The following FEZ1 variants were observed in gnomAD, a reference collection of about 807,000 sequenced individuals.
The protein encoded by FEZ1 is fasciculation and elongation protein zeta-1.
FEZ1 carries 20 observed loss-of-function variants against 49.3 expected under a neutral mutation model. That is an observed-to-expected ratio of 0.41 (90% confidence interval 0.29 to 0.59). FEZ1 has a LOEUF of 0.59. FEZ1 is among the 20% of genes least tolerant of loss of function. FEZ1 has a pLI of 0.36. For missense variants in FEZ1, 413 were observed against 476.0 expected (o/e 0.87, Z 1.23); for synonymous variants, 170 against 180.9 (o/e 0.94, Z 0.48).
rs560908479 is a variant in FEZ1 at position 125,483,387 on chromosome 11, A to G, written c.312-1754T>C. 1.8e-4 allele frequency among the ~76,000 whole-genome samples: 27 copies of G among 152,336 alleles called. No individual in the cohort carries two copies. In the South Asian group the frequency reaches 5.6e-3, roughly 32 times the overall value. The stretch of plus-strand genomic sequence containing the variant: ...TATTCATTATTTTCCTACCATTACA[A>G]GAAAACACTTTGAAGAGAACTCATC... On this transcript the variant is annotated intron_variant, in intron 2 of 9. Coordinates refer to ENST00000278919, the MANE Select transcript of FEZ1 (RefSeq NM_005103.5).
In FEZ1 at chr11:125,481,521, C is replaced by T. The variant is rs1380511492; in HGVS notation, c.411+13G>A. The T allele has an allele frequency of 1.9e-6, 3 of 1,546,468 alleles. No homozygotes were observed. Among genetic ancestry groups the T allele is most frequent in the East Asian group, 4.5e-5 (2 of 44,592 alleles). ...TCTCAAGCCCTGCTAAACCAGGGGC[C>T]CCGGAGAGGTACCTCAGTGTCAGAG... On this transcript the variant is annotated intron_variant, in intron 3 of 9. Transcript: ENST00000278919.
At chr11:125,478,350 G>C (rs751001125) in intron 3 of FEZ1, among the ~76,000 whole-genome samples, 34 of 152,160 alleles carry the variant, frequency 2.2e-4, no homozygotes, top group Non-Finnish European at 4.4e-4. Context: ...ACTGAGGCAG[G>C]AGAATTGCTT....
At position 125,463,523 on chromosome 11, in the gene FEZ1, A is replaced by G; in HGVS notation, c.459T>C (p.Asp153=). Residue 153 remains aspartate, a synonymous_variant, in exon 4 of 10, where the codon GAT becomes GAC. Transcript: ENST00000278919. ...GCAGAGGCTCCTCGTTGATACCGGAATCATTTTCACTCTTCTCATTGAACT... is the reference window on the plus strand; with the variant it reads ...GCAGAGGCTCCTCGTTGATACCGGAGTCATTTTCACTCTTCTCATTGAACT... ...EEEFNEKSEN[D]SGINEEPLLT... The G allele has an allele frequency of 3.1e-6, 5 of 1,611,554 alleles. No individual in the cohort carries two copies. Among genetic ancestry groups the G allele is most frequent in the Non-Finnish European group, 4.2e-6 (5 of 1,177,724 alleles).
intron 9 of FEZ1, 62 bp from the exon 10 acceptor site, chr11:125,446,173 G>A: frequency 1.3e-6 from 2 of 1,511,022 alleles, no homozygotes; most frequent in Non-Finnish European, 1.8e-6. Context: ...GGACCTCCGA[G>A]CCCTGGATAG....
rs150934370 is a variant in FEZ1, at chr11:125,463,535, C to A, written c.447G>T (p.Lys149Asn). 1 of 1,611,504 alleles carries A rather than the reference C, an allele frequency of 6.2e-7. No individual in the cohort carries two copies. The highest frequency in any genetic ancestry group is 1.3e-5 in the African/African-American group (1 of 74,872). ...CGTTGATACCGGAATCATTTTCACT[C>A]TTCTCATTGAACTCTTCCTCTTCTT... ...HEKEEEEFNEKSENDSGINEE... is the reference protein window; with the variant it reads ...HEKEEEEFNENSENDSGINEE... Residue 149 changes from lysine to asparagine, a missense_variant, in exon 4 of 10, where the codon AAG becomes AAT. Physicochemically the swap from Lys to Asn is moderately conservative, Grantham distance 94. Transcript: ENST00000278919.
rs1198710585 is a variant in FEZ1 at position 125,444,783 on chromosome 11, A to T, written c.*1312T>A. On this transcript the variant is annotated 3_prime_UTR_variant, in exon 10 of 10. Coordinates refer to ENST00000278919, the MANE Select transcript of FEZ1 (RefSeq NM_005103.5). ...TCACTGGATAAGAAACCTAAATGCC[A>T]GCCTGACTCTACCACTTCCTACACA... Among the ~76,000 whole-genome samples, 1 of 152,232 alleles carries T rather than the reference A, an allele frequency of 6.6e-6. No homozygotes were observed. The highest frequency in any genetic ancestry group is 1.5e-5 in the Non-Finnish European group (1 of 68,042).
At chr11:125,459,848 GCA>G (rs1957056487) in intron 5 of FEZ1, among the ~76,000 whole-genome samples, 1 of 152,312 alleles carries the variant, frequency 6.6e-6, no homozygotes, top group African/African-American at 2.4e-5. Context: ...TGTAATCCCA[GCA>G]CTTTGGGAGG....
rs923614581 is a variant in FEZ1, at chr11:125,495,439, C to T, written c.-46+682G>A. On this transcript the variant is annotated intron_variant, in intron 1 of 9. Coordinates refer to ENST00000278919, the MANE Select transcript of FEZ1 (RefSeq NM_005103.5). This position sits in a 1 kb window ranked among gnomAD's most constrained non-coding sequence, Gnocchi z 4.2. Reference sequence around the variant, plus strand: ...CCCGCATTCCAGAGCCCGGGGCCCACCCGACGGCAGCGCGCCCCGCCACCG... The same window carrying T: ...CCCGCATTCCAGAGCCCGGGGCCCATCCGACGGCAGCGCGCCCCGCCACCG... The T allele has an allele frequency of 6.4e-6, 3 of 470,272 alleles. No homozygotes were observed. The highest frequency in any genetic ancestry group is 1.3e-5 in the Non-Finnish European group (3 of 226,606). 29.1% of individuals were successfully genotyped at this position (470,272 alleles called of 1,614,324 possible).
chr11:125,490,607 C>T (rs1047591943), intron 1 of FEZ1, among the ~76,000 whole-genome samples: 1 of 152,080 alleles, frequency 6.6e-6, no homozygotes, highest in Admixed American at 6.5e-5. Flanking sequence ...CTTGTAATCC[C>T]AGCACTTTGG....
chr11:125,496,230 A>G lies in FEZ1; in HGVS notation c.-155T>C, dbSNP rs1266987447. On this transcript the variant is annotated 5_prime_UTR_variant, in exon 1 of 10. Coordinates refer to ENST00000278919, the MANE Select transcript of FEZ1 (RefSeq NM_005103.5). ...AGCGCAGCGCAGCGGAGAGCCAGCC[A>G]GCCAGCCAGCCAGCGAGCGCTCCCC... 2.0e-5 allele frequency: 3 copies of G among 151,784 alleles called. No homozygotes were observed. Among genetic ancestry groups the G allele is most frequent in the Non-Finnish European group, 4.4e-5 (3 of 68,536 alleles). 9.4% of individuals were successfully genotyped at this position (151,784 alleles called of 1,614,324 possible). A position where few individuals can be genotyped will look rare whatever the true frequency, so the allele number is the denominator to read the frequency against.
chr11:125,491,549 C>T (rs963489258), intron 1 of FEZ1, among the ~76,000 whole-genome samples: 1 of 152,152 alleles, frequency 6.6e-6, no homozygotes, highest in East Asian at 1.9e-4. Flanking sequence ...AGAAAGGCTA[C>T]CAAGCTTTTC....
In FEZ1 at chr11:125,449,441, A is replaced by AAAAAAG. The variant is rs796507357; in HGVS notation, c.1097-875_1097-874insCTTTTT. Reference sequence around the variant, plus strand: ...ATAAAAAAAAAAAAAAAAAAAAAAAAAAGAAGAAGAGGAAGAAAAGAAAAA... The same window carrying AAAAAAG: ...ATAAAAAAAAAAAAAAAAAAAAAAAAAAAAAGAAGAAGAAGAGGAAGAAAAGAAAAA... On this transcript the variant is annotated intron_variant, in intron 8 of 9. Coordinates refer to ENST00000278919, the MANE Select transcript of FEZ1 (RefSeq NM_005103.5). Among the ~76,000 whole-genome samples, 595 of 127,840 alleles carry AAAAAAG rather than the reference A, an allele frequency of 4.7e-3. 1 individual carries two copies. The highest frequency in any genetic ancestry group is 9.1e-3 in the East Asian group (32 of 3,512). 83.9% of individuals were successfully genotyped at this position (127,840 alleles called of 152,430 possible).
intron 1 of FEZ1, among the ~76,000 whole-genome samples, chr11:125,492,329 T>C (rs1157673474): frequency 6.6e-6 from 1 of 152,242 alleles, no homozygotes; most frequent in African/African-American, 2.4e-5. Context: ...TGCAGGCTCT[T>C]TGAAGGTAAC....
In FEZ1 at chr11:125,454,030, G is replaced by T. The variant is rs560688045; in HGVS notation, c.1020+100C>A. 65 of 677,788 alleles carry T rather than the reference G, an allele frequency of 9.6e-5. No homozygotes were observed. In the African/African-American group the frequency reaches 1.1e-3, roughly 12 times the overall value. The allele number at this position is 677,788 out of a possible 1,614,324, so 42.0% of individuals were successfully genotyped here. A position where few individuals can be genotyped will look rare whatever the true frequency, so the allele number is the denominator to read the frequency against. On this transcript the variant is annotated intron_variant, in intron 7 of 9. Coordinates refer to ENST00000278919, the MANE Select transcript of FEZ1 (RefSeq NM_005103.5). ...AGGACCCCTAACCCCCTAAATAAAT[G>T]CTGGGATAATTCTGGTGAGTCACTG...
chr11:125,447,199 G>A (rs1289722598), intron 9 of FEZ1, among the ~76,000 whole-genome samples: 2 of 152,150 alleles, frequency 1.3e-5, no homozygotes, highest in Non-Finnish European at 1.5e-5. Flanking sequence ...CAAAAAATCG[G>A]AAGCTGTATC....
At chr11:125,456,304 A>G (rs1957010798) in intron 5 of FEZ1, 198 bp from the exon 6 acceptor site, 1 of 470,348 alleles carries the variant, frequency 2.1e-6, no homozygotes, top group Admixed American at 3.8e-5. Context: ...ACTGCAGAAG[A>G]GAACACCCCT....
rs1281568385 is a variant in FEZ1, at chr11:125,443,020, G to A, written c.*3075C>T. ...CAAAGTTCTGGGATTACAGGCATGA[G>A]CCACCACGCCCGGCCCTGTGGTGGA... On this transcript the variant is annotated 3_prime_UTR_variant, in exon 10 of 10. Transcript: ENST00000278919. Among the ~76,000 whole-genome samples, 1 of 152,160 alleles carries A rather than the reference G, an allele frequency of 6.6e-6. No individual in the cohort carries two copies. The highest frequency in any genetic ancestry group is 2.4e-5 in the African/African-American group (1 of 41,432).
At chr11:125,471,431 TACACACAC>T (rs34965918) in intron 3 of FEZ1, among the ~76,000 whole-genome samples, 7 of 147,878 alleles carry the variant, frequency 4.7e-5, no homozygotes, top group East Asian at 4.0e-4. Context: ...TTGAGATAGA[TACACACAC>T]ACACACACAC....
At position 125,470,459 on chromosome 11, in the gene FEZ1, T is replaced by C. The variant is rs534538858; in HGVS notation, c.412-6889A>G. ...AAGATCAGCTTCAGAAGTCCAATAC[T>C]TGAATAAAAGGAATTCTAGAAAGCA... On this transcript the variant is annotated intron_variant, in intron 3 of 9. Coordinates refer to ENST00000278919, the MANE Select transcript of FEZ1 (RefSeq NM_005103.5). Among the ~76,000 whole-genome samples the C allele has an allele frequency of 4.0e-4, 61 of 152,300 alleles. 2 individuals are homozygous for C. The highest frequency in any genetic ancestry group is 1.3e-3 in the African/African-American group (54 of 41,560).
Sources: allele counts gnomAD v4.1 joint callset (sites outside exome capture counted in the v4.1 genomes callset), GRCh38; gene constraint gnomAD v4.1.1; non-coding constraint Gnocchi (gnomAD v3.1); transcripts MANE v1.5; gene names NCBI Gene and HGNC (gene_info 2026-07-23, HGNC 2026-07-21).